GAN: variants seen among roughly 807,000 people sequenced by gnomAD.
GAN encodes epididymis secretory sperm binding protein.
In GAN, 48 loss-of-function variants were observed where a neutral mutation model predicts 71.3. The ratio of observed to expected loss-of-function variants is 0.67; its 90% CI spans 0.53 to 0.86. The LOEUF is 0.86. Ranked by LOEUF, GAN falls within the 40% of genes least tolerant of loss-of-function variation. The pLI is 0.00. For missense variants in GAN, 928 were observed against 770.1 expected, an observed-to-expected ratio of 1.21 and a Z score of -2.43; for synonymous variants, 386 against 276.8, an observed-to-expected ratio of 1.39 and a Z score of -3.92.
chr16:81,352,812 T>G (rs1643983143), intron 2 of GAN, among the ~76,000 whole-genome samples: 1 of 152,188 alleles, frequency 6.6e-6, no homozygotes, highest in Non-Finnish European at 1.5e-5. Flanking sequence ...CCAGAGATGC[T>G]CTGTAGCATC....
intron 1 of GAN, among the ~76,000 whole-genome samples, chr16:81,335,152 G>C (rs79860114): frequency 2.7e-5 from 3 of 111,078 alleles, no homozygotes; most frequent in Admixed American, 2.3e-4. Flanking sequence ...ACTATGGGGT[G>C]GGGGGAGGGG....
chr16:81,316,754 T>C (rs1467661701), intron 1 of GAN, among the ~76,000 whole-genome samples: 2 of 152,246 alleles, frequency 1.3e-5, no homozygotes, highest in African/African-American at 4.8e-5. Context: ...TTGTTATCCT[T>C]GTTCGTTTTT....
rs147509544 is a variant in GAN at position 81,358,994 on chromosome 16, C to T, written c.973+1063C>T. 1.2e-3 allele frequency among the ~76,000 whole-genome samples: 188 copies of T among 151,942 alleles called. 3 individuals are homozygous for T. The East Asian group carries it at 0.033, about 27-fold the overall frequency. On this transcript the variant is annotated intron_variant, in intron 5 of 10. Transcript: ENST00000648994. ...AGAGATGGGATCTTGCAATGTTGCC[C>T]AGGCTATAATATTTTTAAAGCTATA...
chr16:81,318,241 A>G (rs984553384), intron 1 of GAN, among the ~76,000 whole-genome samples: 1 of 152,162 alleles, frequency 6.6e-6, no homozygotes, highest in African/African-American at 2.4e-5. Context: ...GATATCATTA[A>G]TCTGTGAATT....
intron 1 of GAN, among the ~76,000 whole-genome samples, chr16:81,345,275 C>T (rs1910080506): frequency 6.6e-6 from 1 of 152,174 alleles, no homozygotes; most frequent in Non-Finnish European, 1.5e-5. Context: ...GATTGTAAAT[C>T]ATTGTACTAT....
At chr16:81,350,078 CT>C (rs928881887) in intron 1 of GAN, among the ~76,000 whole-genome samples, 25 of 147,346 alleles carry the variant, frequency 1.7e-4, no homozygotes, top group East Asian at 3.9e-4. Context: ...TTTAAGAAGT[CT>C]TTTTTTTTTA....
chr16:81,387,811 G>A lies in GAN; in HGVS notation c.*10215G>A, dbSNP rs1904447398. ...AGCCTGGGCGACAGAGGGGGACTCT[G>A]TCTCACAAAAAAATAAAAAATTAAA... On this transcript the variant is annotated 3_prime_UTR_variant, in exon 11 of 11. Transcript: ENST00000648994. The A allele has an allele frequency of 6.6e-6, 1 of 151,524 alleles. No individual in the cohort carries two copies. The highest frequency in any genetic ancestry group is 2.4e-5 in the African/African-American group (1 of 41,136). 9.4% of individuals were successfully genotyped at this position (151,524 alleles called of 1,614,324 possible). A position where few individuals can be genotyped will look rare whatever the true frequency, so the allele number is the denominator to read the frequency against.
chr16:81,356,892 G>T lies in GAN; in HGVS notation c.741G>T (p.Glu247Asp), dbSNP rs781606880. ...NEPLVREIVK[E>D]CSNIPLSQPQ... ...CATTAGTACGAGAAATTGTCAAAGAGTGTAGCAATATACCGCTCAGCCAGC... is the reference window on the plus strand; with the variant it reads ...CATTAGTACGAGAAATTGTCAAAGATTGTAGCAATATACCGCTCAGCCAGC... The change falls in exon 4 of 11, where the codon GAG (glutamate) becomes GAT (aspartate). Residue 247 changes from glutamate to aspartate, a missense_variant. Glu to Asp is a conservative substitution (Grantham distance 45). Coordinates refer to ENST00000648994, the MANE Select transcript of GAN (RefSeq NM_022041.4). 2 of 1,613,906 alleles carry T rather than the reference G, an allele frequency of 1.2e-6. No individual in the cohort carries two copies. Among genetic ancestry groups the T allele is most frequent in the East Asian group, 4.5e-5 (2 of 44,880 alleles).
intron 1 of GAN, among the ~76,000 whole-genome samples, chr16:81,346,076 A>G (rs1910109437): frequency 6.6e-6 from 1 of 152,204 alleles, no homozygotes; most frequent in South Asian, 2.1e-4. Flanking sequence ...CTCTATCTGA[A>G]CATGTTTTGG....
chr16:81,319,233 C>A (rs1448261243), intron 1 of GAN, among the ~76,000 whole-genome samples: 2 of 113,780 alleles, frequency 1.8e-5, no homozygotes, highest in Non-Finnish European at 3.4e-5. Context: ...TATCTAACAA[C>A]CTTTCTAAGA....
chr16:81,350,163 C>G (rs186849917), intron 1 of GAN, among the ~76,000 whole-genome samples: 37 of 152,060 alleles, frequency 2.4e-4, no homozygotes, highest in African/African-American at 8.4e-4. Context: ...TAAAGAACTC[C>G]TACACCGCAA....
intron 9 of GAN, among the ~76,000 whole-genome samples, chr16:81,365,701 C>T (rs945013814): frequency 9.3e-5 from 14 of 151,112 alleles, no homozygotes; most frequent in African/African-American, 3.4e-4. Flanking sequence ...GATCTTGACG[C>T]TTAGTTGCTT....
chr16:81,353,832 G>A (rs1403288438), intron 2 of GAN, among the ~76,000 whole-genome samples: 3 of 152,102 alleles, frequency 2.0e-5, no homozygotes, highest in Non-Finnish European at 4.4e-5. Context: ...ATTCCAAAAA[G>A]TAGTTTTGAG....
intron 9 of GAN, among the ~76,000 whole-genome samples, chr16:81,366,265 A>C (rs2150692475): frequency 1.3e-5 from 2 of 152,326 alleles, no homozygotes; most frequent in South Asian, 4.1e-4. Flanking sequence ...GGCTTCCAGC[A>C]TCCTACCTGT....
chr16:81,373,333 C>T (rs990955427), intron 9 of GAN, among the ~76,000 whole-genome samples: 1 of 152,192 alleles, frequency 6.6e-6, no homozygotes, highest in African/African-American at 2.4e-5. Context: ...CCACTGTGAC[C>T]TGGCTATGCC....
chr16:81,337,756 G>C (rs148939563), intron 1 of GAN, among the ~76,000 whole-genome samples: 1 of 152,150 alleles, frequency 6.6e-6, no homozygotes, highest in African/African-American at 2.4e-5. Flanking sequence ...AAAAAGTAAC[G>C]TGAATATTGT....
At position 81,376,463 on chromosome 16, in the gene GAN, A is replaced by G. The variant is rs199790216; in HGVS notation, c.1503-756A>G. Among the ~76,000 whole-genome samples, 11 of 90,120 alleles carry G rather than the reference A, an allele frequency of 1.2e-4. No individual in the cohort carries two copies. The South Asian group carries it at 2.0e-3, about 16-fold the overall frequency. The allele number at this position is 90,120 out of a possible 152,430, so 59.1% of individuals were successfully genotyped here. On this transcript the variant is annotated intron_variant, in intron 9 of 10. Coordinates refer to ENST00000648994, the MANE Select transcript of GAN (RefSeq NM_022041.4). ...GGCAATATCCCATCTTTATACATAC[A>G]TATGTGTGTGTGTGTGTGTGTGTGT...
At chr16:81,365,574 T>C (rs1463773765) in intron 9 of GAN, 96 bp downstream of exon 9, 2 of 1,224,876 alleles carry the variant, frequency 1.6e-6, no homozygotes, top group African/African-American at 3.0e-5. Context: ...GTCACTTTAT[T>C]AAATTATGGA....
At chr16:81,325,140 T>G (rs1179939504) in intron 1 of GAN, among the ~76,000 whole-genome samples, 1 of 152,228 alleles carries the variant, frequency 6.6e-6, no homozygotes, top group Non-Finnish European at 1.5e-5. Flanking sequence ...CAGTAGGCAT[T>G]AAAGTCAGGA....
Sources: allele counts gnomAD v4.1 joint callset (sites outside exome capture counted in the v4.1 genomes callset), GRCh38; gene constraint gnomAD v4.1.1; transcripts MANE v1.5; gene names NCBI Gene and HGNC (gene_info 2026-07-23, HGNC 2026-07-21).